Variants in PPP1R14C observed in about 807,000 individuals in gnomAD.
The protein encoded by PPP1R14C is protein phosphatase 1 regulatory subunit 14C.
A neutral mutation model predicts 20.4 loss-of-function variants in PPP1R14C; 16 were observed. The observed-to-expected ratio is 0.78, with a 90% confidence interval of 0.53 to 1.19. The LOEUF is 1.19. PPP1R14C is among the 50% of genes most tolerant of loss of function. PPP1R14C has a pLI of 0.00. For missense variants in PPP1R14C, 211 were observed against 220.1 expected, an observed-to-expected ratio of 0.96 and a Z score of 0.26; for synonymous variants, 91 against 91.0, an observed-to-expected ratio of 1.00 and a Z score of 0.00.
intron 3 of PPP1R14C, among the ~76,000 whole-genome samples, chr6:150,224,489 C>T (rs1006742663): frequency 6.6e-6 from 1 of 152,168 alleles, no homozygotes; most frequent in Non-Finnish European, 1.5e-5. Flanking sequence ...ACATAGAATA[C>T]CTCTCCAATT....
intron 1 of PPP1R14C, among the ~76,000 whole-genome samples, chr6:150,180,535 ATTATAT>A (rs1777610178): frequency 6.6e-6 from 1 of 152,240 alleles, no homozygotes; most frequent in Non-Finnish European, 1.5e-5. Flanking sequence ...TTCATCCAGC[ATTATAT>A]AAGGAACTCT....
intron 1 of PPP1R14C, among the ~76,000 whole-genome samples, chr6:150,213,119 A>C (rs543674889): frequency 8.6e-4 from 131 of 152,340 alleles, no homozygotes; most frequent in African/African-American, 3.0e-3. Context: ...GAGATCTAAA[A>C]CGTTCACATT....
chr6:150,231,007 T>G (rs1180413788), intron 3 of PPP1R14C, among the ~76,000 whole-genome samples: 1 of 152,180 alleles, frequency 6.6e-6, no homozygotes, highest in Non-Finnish European at 1.5e-5. Context: ...CTGCTGGTAC[T>G]GGCTAGAGCA....
chr6:150,226,981 A>C (rs1394682699), intron 3 of PPP1R14C, among the ~76,000 whole-genome samples: 5 of 152,316 alleles, frequency 3.3e-5, no homozygotes, highest in Admixed American at 3.3e-4. Context: ...TTCTTCTCAT[A>C]TTGGCAGTAA....
chr6:150,197,631 T>C (rs1252123209), intron 1 of PPP1R14C, among the ~76,000 whole-genome samples: 2 of 152,212 alleles, frequency 1.3e-5, no homozygotes, highest in East Asian at 3.9e-4. Flanking sequence ...CCTCCTGTTT[T>C]CCAATGTGGA....
chr6:150,236,830 G>A (rs1398637287), intron 3 of PPP1R14C, among the ~76,000 whole-genome samples: 1 of 152,200 alleles, frequency 6.6e-6, no homozygotes, highest in Non-Finnish European at 1.5e-5. Context: ...TGCTCAGGCT[G>A]TGGGGAGGAG....
At chr6:150,194,546 G>A (rs1474593858) in intron 1 of PPP1R14C, 97 of 969,736 alleles carry the variant, frequency 1.0e-4, no homozygotes, top group Non-Finnish European at 1.2e-4. Flanking sequence ...TAAAGGAGTA[G>A]CTCTTTGATT....
At chr6:150,159,417 T>G (rs925265020) in intron 1 of PPP1R14C, among the ~76,000 whole-genome samples, 1 of 152,182 alleles carries the variant, frequency 6.6e-6, no homozygotes, top group African/African-American at 2.4e-5. Context: ...AGAAGGCTCA[T>G]GACCTCCATG....
chr6:150,173,956 G>A lies in PPP1R14C; in HGVS notation c.306+30458G>A, dbSNP rs181944236. ...TCCTTCAAAGCCCAACTTGAACCCC[G>A]TCTCCATGAGGTCTTTTGTTTTAGG... On this transcript the variant is annotated intron_variant, in intron 1 of 3. Transcript: ENST00000361131. Among the ~76,000 whole-genome samples the A allele has an allele frequency of 5.2e-3, 793 of 151,780 alleles. 4 individuals carry two copies. The highest frequency in any genetic ancestry group is 6.3e-3 in the Non-Finnish European group (426 of 67,968).
At chr6:150,160,714 C>G (rs191549181) in intron 1 of PPP1R14C, among the ~76,000 whole-genome samples, 1 of 151,976 alleles carries the variant, frequency 6.6e-6, no homozygotes, top group African/African-American at 2.4e-5. Context: ...GTATGGTTCA[C>G]GTATATTTAT....
At chr6:150,228,353 A>T (rs1304369092) in intron 3 of PPP1R14C, among the ~76,000 whole-genome samples, 1 of 152,144 alleles carries the variant, frequency 6.6e-6, no homozygotes, top group African/African-American at 2.4e-5. Context: ...AATATTTTAT[A>T]CTCATGGTTC....
At chr6:150,200,488 C>T (rs768661568) in intron 1 of PPP1R14C, among the ~76,000 whole-genome samples, 1 of 152,128 alleles carries the variant, frequency 6.6e-6, no homozygotes, top group African/African-American at 2.4e-5. Context: ...CCAGCCAGCT[C>T]CTGTTCTCAG....
Position 150,214,799 on chromosome 6 carries a change from G to A in PPP1R14C, c.362G>A (p.Ser121Asn), listed in dbSNP as rs561748042. ...ATTGATGATCTTCTTGATGCAGACA[G>A]TGATGAAGAGAGAGCTTCAAAATTA... is the stretch of plus-strand genomic sequence containing the variant. ...IDIDDLLDADSDEERASKLQE... is the reference protein window; with the variant it reads ...IDIDDLLDADNDEERASKLQE... The change falls in exon 2 of 4, where the codon AGT becomes AAT. Residue 121 changes from serine (S) to asparagine (N), a missense_variant. Ser to Asn is a conservative substitution (Grantham distance 46, BLOSUM62 1). Transcript: ENST00000361131. 7.4e-5 allele frequency: 119 copies of A among 1,612,080 alleles called. No individual in the cohort carries two copies. In the South Asian group the frequency reaches 1.3e-3, roughly 18 times the overall value.
At chr6:150,188,616 A>G (rs1777705269) in intron 1 of PPP1R14C, among the ~76,000 whole-genome samples, 1 of 146,148 alleles carries the variant, frequency 6.8e-6, no homozygotes, top group Non-Finnish European at 1.5e-5. Flanking sequence ...CCTCCTGAGT[A>G]GCTGGGACTA....
chr6:150,175,334 G>T (rs573727837), intron 1 of PPP1R14C, among the ~76,000 whole-genome samples: 1 of 152,300 alleles, frequency 6.6e-6, no homozygotes, highest in South Asian at 2.1e-4. Context: ...TCTTGGATCT[G>T]CTTCAGTGGG....
At chr6:150,149,540 C>A (rs544059633) in intron 1 of PPP1R14C, among the ~76,000 whole-genome samples, 7 of 147,674 alleles carry the variant, frequency 4.7e-5, no homozygotes, top group African/African-American at 1.5e-4. Flanking sequence ...TTAAGTGATC[C>A]GTCAGCCTCA....
chr6:150,209,174 CT>C (rs1478944441), intron 1 of PPP1R14C, among the ~76,000 whole-genome samples: 1 of 152,160 alleles, frequency 6.6e-6, no homozygotes, highest in Non-Finnish European at 1.5e-5. Flanking sequence ...GTTGCCATCC[CT>C]ATTTTGAAAT....
At chr6:150,207,864 A>G (rs954564794) in intron 1 of PPP1R14C, among the ~76,000 whole-genome samples, 21 of 152,308 alleles carry the variant, frequency 1.4e-4, no homozygotes, top group African/African-American at 4.6e-4. Context: ...GAATCCCAAG[A>G]GGAACCAATT....
intron 3 of PPP1R14C, among the ~76,000 whole-genome samples, chr6:150,247,870 C>T (rs1778512962): frequency 6.6e-6 from 1 of 152,170 alleles, no homozygotes; most frequent in African/African-American, 2.4e-5. Context: ...CTGTGTGGTC[C>T]TTAATGAGTC....
Sources: allele counts gnomAD v4.1 joint callset (sites outside exome capture counted in the v4.1 genomes callset), GRCh38; gene constraint gnomAD v4.1.1; transcripts MANE v1.5; gene names NCBI Gene and HGNC (gene_info 2026-07-23, HGNC 2026-07-21).